Variants in MAMLD1 observed in about 807,000 individuals in gnomAD.
MAMLD1 encodes mastermind-like domain-containing protein 1.
Under a neutral mutation model 45.0 loss-of-function variants are expected in MAMLD1, and 14 were observed. The ratio of observed to expected loss-of-function variants is 0.31; its 90% CI spans 0.21 to 0.49. The LOEUF (loss-of-function observed/expected upper bound fraction) is 0.49, where lower values mean the gene tolerates loss of function less well. MAMLD1 is among the 20% of genes least tolerant of loss of function. The pLI, the probability that MAMLD1 is intolerant of heterozygous loss-of-function variation, is 0.99. For missense variants in MAMLD1, 543 were observed against 603.6 expected, an observed-to-expected ratio of 0.90 and a Z score of 1.05; for synonymous variants, 254 against 247.8, an observed-to-expected ratio of 1.02 and a Z score of -0.24.
intron 1 of MAMLD1, among the ~76,000 whole-genome samples, chrX:150,429,554 A>G (rs1341221605): frequency 9.0e-6 from 1 of 111,510 alleles, no homozygotes; most frequent in Admixed American, 9.5e-5. Flanking sequence ...CAATAGTGCA[A>G]TATCAAAACT....
chrX:150,395,651 T>C (rs1023573684), intron 1 of MAMLD1, among the ~76,000 whole-genome samples: 8 of 110,881 alleles, frequency 7.2e-5, no homozygotes, highest in African/African-American at 2.3e-4. Flanking sequence ...TCTGCTTGTG[T>C]GAGGTTTGGC....
Position 150,449,233 on chromosome X carries a change from C to G in MAMLD1, c.96+3621C>G, listed in dbSNP as rs1203182816. ...GGATGGCCATCCAGAAGGTGGGGTG[C>G]TACATCAAGGTCCACATTTGGATGG... On this transcript the variant is annotated intron_variant, in intron 2 of 7. Coordinates refer to ENST00000370401, the MANE Select transcript of MAMLD1 (RefSeq NM_005491.5). 4.5e-5 allele frequency among the ~76,000 whole-genome samples: 5 copies of G among 109,944 alleles called. No homozygotes were observed. In the East Asian group the frequency reaches 1.4e-3, roughly 31 times the overall value.
chrX:150,370,088 C>A (rs1002871870), intron 1 of MAMLD1, among the ~76,000 whole-genome samples: 1 of 108,691 alleles, frequency 9.2e-6, no homozygotes, highest in Non-Finnish European at 1.9e-5. Flanking sequence ...TTTGTTGGAG[C>A]AGATAGAATG....
intron 1 of MAMLD1, among the ~76,000 whole-genome samples, chrX:150,364,055 G>A: frequency 8.9e-6 from 1 of 112,939 alleles, no homozygotes; most frequent in Non-Finnish European, 1.9e-5. Flanking sequence ...CGCCGAATCC[G>A]CTGCCCTGCA....
At chrX:150,406,036 G>A (rs2033986131) in intron 1 of MAMLD1, among the ~76,000 whole-genome samples, 1 of 111,356 alleles carries the variant, frequency 9.0e-6, no homozygotes, top group Non-Finnish European at 1.9e-5. Flanking sequence ...GGAAGAGAAA[G>A]GTCTTGAACG....
At chrX:150,510,834 C>T (rs2037875310) in intron 7 of MAMLD1, among the ~76,000 whole-genome samples, 1 of 111,782 alleles carries the variant, frequency 8.9e-6, no homozygotes, top group Admixed American at 9.4e-5. Flanking sequence ...CATTGCTCTT[C>T]TGGTCTTATG....
intron 1 of MAMLD1, among the ~76,000 whole-genome samples, chrX:150,376,736 G>A (rs2032335356): frequency 9.0e-6 from 1 of 111,109 alleles, no homozygotes; most frequent in South Asian, 3.8e-4. Flanking sequence ...TCTTGGTTTT[G>A]TACCAATGCC....
chrX:150,402,297 T>C, intron 1 of MAMLD1, among the ~76,000 whole-genome samples: 1 of 108,510 alleles, frequency 9.2e-6, no homozygotes. Flanking sequence ...AAGACATTTA[T>C]GCAGCCAAAA....
At chrX:150,421,886 G>T (rs2034528450) in intron 1 of MAMLD1, among the ~76,000 whole-genome samples, 1 of 112,116 alleles carries the variant, frequency 8.9e-6, no homozygotes, top group South Asian at 3.7e-4. Flanking sequence ...ACCCCACTGG[G>T]AATCTGGAGG....
chrX:150,401,832 A>G (rs1303765642), intron 1 of MAMLD1, among the ~76,000 whole-genome samples: 1 of 110,771 alleles, frequency 9.0e-6, no homozygotes, highest in Non-Finnish European at 1.9e-5. Flanking sequence ...AGGATTCCCT[A>G]TTTAATAAAT....
upstream of MAMLD1, chrX:150,362,822 C>T (rs2031087838): frequency 1.8e-5 from 2 of 112,840 alleles, no homozygotes; most frequent in Non-Finnish European, 3.8e-5. Context: ...ACCAGCGCAC[C>T]GCCTAGGCAA....
intron 4 of MAMLD1, 44 bp from the exon 5 acceptor site, chrX:150,473,636 C>T (rs782549519): frequency 2.5e-6 from 3 of 1,203,444 alleles, no homozygotes; most frequent in Non-Finnish European, 3.4e-6. Flanking sequence ...GGGCTCGGGC[C>T]CTGGTCTGCA....
chrX:150,482,524 T>C (rs2036849442), intron 5 of MAMLD1, among the ~76,000 whole-genome samples: 1 of 112,877 alleles, frequency 8.9e-6, no homozygotes, highest in Non-Finnish European at 1.9e-5. Context: ...ATTTTATACA[T>C]ATTTTTACCA....
rs1186740612 is a variant in MAMLD1 at position 150,462,790 on chromosome X, A to T, written c.115A>T (p.Met39Leu). ...CCCCCAGGGAAAGAAGCCCTCGTGGATGGAGGAAGAAGATTTATCTTTTCT... is the reference window on the plus strand; with the variant it reads ...CCCCCAGGGAAAGAAGCCCTCGTGGTTGGAGGAAGAAGATTTATCTTTTCT... ...LQESGKKPSWMEEEDLSFLYK... is the reference protein window; with the variant it reads ...LQESGKKPSWLEEEDLSFLYK... The change falls in exon 3 of 8, where the codon ATG becomes TTG. Residue 39 changes from methionine to leucine, a missense_variant. By Grantham distance (15) the Met-to-Leu change is conservative. Transcript: ENST00000370401. 1 of 1,208,766 alleles carries T rather than the reference A, an allele frequency of 8.3e-7. No individual in the cohort carries two copies. Among genetic ancestry groups the T allele is most frequent in the Non-Finnish European group, 1.1e-6 (1 of 894,037 alleles).
intron 1 of MAMLD1, among the ~76,000 whole-genome samples, chrX:150,373,616 C>T (rs1557401294): frequency 8.9e-6 from 1 of 111,876 alleles, no homozygotes; most frequent in African/African-American, 3.3e-5. Flanking sequence ...CTGGCATTTT[C>T]AGCCATGCCT....
chrX:150,447,524 T>A (rs2035529703), intron 2 of MAMLD1, among the ~76,000 whole-genome samples: 2 of 111,717 alleles, frequency 1.8e-5, no homozygotes, highest in Non-Finnish European at 3.8e-5. Context: ...CTGTACGGTA[T>A]CCCTGTAGCC....
At chrX:150,457,094 G>C (rs1038805832) in intron 2 of MAMLD1, among the ~76,000 whole-genome samples, 3 of 112,741 alleles carry the variant, frequency 2.7e-5, no homozygotes, top group Non-Finnish European at 3.8e-5. Flanking sequence ...ACTTGGCCTT[G>C]AGAAGGTACA....
intron 2 of MAMLD1, among the ~76,000 whole-genome samples, chrX:150,460,681 TAG>T (rs1423596557): frequency 8.9e-6 from 1 of 111,831 alleles, no homozygotes; most frequent in East Asian, 2.8e-4. Context: ...AGATTATCTG[TAG>T]AGAGAGCTGT....
intron 2 of MAMLD1, among the ~76,000 whole-genome samples, chrX:150,458,111 CA>C (rs1267943140): frequency 9.0e-6 from 1 of 111,012 alleles, no homozygotes; most frequent in African/African-American, 3.3e-5. Flanking sequence ...GATATCTCTG[CA>C]GGCTAAAAGT....
Sources: allele counts gnomAD v4.1 joint callset (sites outside exome capture counted in the v4.1 genomes callset), GRCh38; gene constraint gnomAD v4.1.1; transcripts MANE v1.5; gene names NCBI Gene and HGNC (gene_info 2026-07-23, HGNC 2026-07-21).